KLHL36: variants seen among roughly 807,000 people sequenced by gnomAD.
KLHL36 encodes the protein kelch like family member 36.
A neutral mutation model predicts 53.3 loss-of-function variants in KLHL36; 35 were observed. The ratio of observed to expected loss-of-function variants is 0.66; its 90% CI spans 0.50 to 0.87. KLHL36 has a LOEUF of 0.87. Ranked by LOEUF, KLHL36 falls within the 40% of genes least tolerant of loss-of-function variation. KLHL36 has a pLI of 0.00. For synonymous variants in KLHL36, 472 were observed against 398.9 expected, an observed-to-expected ratio of 1.18 and a Z score of -2.18; for missense variants, 864 against 897.6, an observed-to-expected ratio of 0.96 and a Z score of 0.48.
Position 84,666,307 on chromosome 16 carries a change from GC to G in KLHL36, c.*4176del, listed in dbSNP as rs1380102175. The G allele has an allele frequency of 6.6e-6, 1 of 152,132 alleles. No individual in the cohort carries two copies. The highest frequency in any genetic ancestry group is 2.4e-5 in the African/African-American group (1 of 41,416). 9.4% of individuals were successfully genotyped at this position (152,132 alleles called of 1,614,324 possible). On this transcript the variant is annotated 3_prime_UTR_variant, in exon 5 of 5. Coordinates refer to ENST00000564996, the MANE Select transcript of KLHL36 (RefSeq NM_024731.4). ...CAACAAATGGCAGCACCAGGACCTC[GC>G]CTCATGTGGCTTTGTCTTGGATCTT...
At chr16:84,660,626 A>G (rs534845124) in intron 4 of KLHL36, among the ~76,000 whole-genome samples, 1 of 152,048 alleles carries the variant, frequency 6.6e-6, no homozygotes, top group Admixed American at 6.5e-5. Context: ...AAGCGCTCGT[A>G]TTTTTGTTTT....
Position 84,657,643 on chromosome 16 carries a change from C to T in KLHL36, c.836C>T (p.Ala279Val). The T allele has an allele frequency of 6.2e-7, 1 of 1,611,964 alleles. No homozygotes were observed. The highest frequency in any genetic ancestry group is 8.5e-7 in the Non-Finnish European group (1 of 1,179,582). The change falls in exon 3 of 5, where the codon GCC (alanine) becomes GTC (valine). Residue 279 changes from alanine (A) to valine (V), a missense_variant. Ala to Val is a moderately conservative substitution (Grantham distance 64). Coordinates refer to ENST00000564996, the MANE Select transcript of KLHL36 (RefSeq NM_024731.4). ...EAVRYHNNLA[A>V]QPVMQTKRTA... ...GTGCGCTACCACAACAACCTGGCGG[C>T]CCAGCCCGTCATGCAGACCAAGCGC...
rs3803626 is a variant in KLHL36 at position 84,666,233 on chromosome 16, G to A, written c.*4100G>A. ...ATAACTGTTTTGTAGAATGCCTGCC[G>A]GGGTTTTCCACCTCATCCCTTTCCT... On this transcript the variant is annotated 3_prime_UTR_variant, in exon 5 of 5. Coordinates refer to ENST00000564996, the MANE Select transcript of KLHL36 (RefSeq NM_024731.4). 0.2 allele frequency: 29,724 copies of A among 152,156 alleles called. 3,452 individuals are homozygous for A. The highest frequency in any genetic ancestry group is 0.33 in the Admixed American group (5,050 of 15,278). 9.4% of individuals were successfully genotyped at this position (152,156 alleles called of 1,614,324 possible).
Position 84,657,267 on chromosome 16 carries a change from C to A in KLHL36, c.460C>A (p.Leu154Met). ...GGACAACTACCTGTACCTGCAGGAG[C>A]TGGCCTCCATCTACAGCCTCAAGCG... ...SEDNYLYLQE[L>M]ASIYSLKRLD... is the part of the protein sequence containing the mutation. Residue 154 changes from leucine to methionine, a missense_variant, in exon 3 of 5, where the codon CTG (leucine) becomes ATG (methionine). Coordinates refer to ENST00000564996, the MANE Select transcript of KLHL36 (RefSeq NM_024731.4). 6.2e-7 allele frequency: 1 copy of A among 1,614,156 alleles called. No homozygotes were observed. Among genetic ancestry groups the A allele is most frequent in the Non-Finnish European group, 8.5e-7 (1 of 1,180,036 alleles).
In KLHL36 at chr16:84,665,343, A is replaced by G. The variant is rs920260641; in HGVS notation, c.*3210A>G. 1.3e-5 allele frequency: 2 copies of G among 151,782 alleles called. No homozygotes were observed. The highest frequency in any genetic ancestry group is 1.9e-4 in the East Asian group (1 of 5,182). 9.4% of individuals were successfully genotyped at this position (151,782 alleles called of 1,614,324 possible). On this transcript the variant is annotated 3_prime_UTR_variant, in exon 5 of 5. Coordinates refer to ENST00000564996, the MANE Select transcript of KLHL36 (RefSeq NM_024731.4). ...TAAAGAATTAGAGTTGTAACTTCAT[A>G]TTAGTTGTAAGTTTGGGGTTTGGTC...
Position 84,656,984 on chromosome 16 carries a change from C to A in KLHL36, c.177C>A (p.Ala59=), listed in dbSNP as rs755409802. Residue 59 remains alanine (A), a synonymous_variant, in exon 3 of 5, where the codon GCC becomes GCA. Transcript: ENST00000564996. ...VLVADEQRVP[A]HRNLLAVCSD... is the part of the protein sequence containing the mutation. Reference sequence around the variant, plus strand: ...TGGCCGATGAGCAGCGTGTGCCAGCCCATCGCAACCTGCTGGCCGTGTGCA... The same window carrying A: ...TGGCCGATGAGCAGCGTGTGCCAGCACATCGCAACCTGCTGGCCGTGTGCA... 3.1e-6 allele frequency: 5 copies of A among 1,613,924 alleles called. No individual in the cohort carries two copies. The African/African-American group carries it at 6.7e-5, about 22-fold the overall frequency.
intron 1 of KLHL36, among the ~76,000 whole-genome samples, chr16:84,649,706 C>T (rs1260350940): frequency 2.0e-5 from 3 of 152,244 alleles, no homozygotes; most frequent in African/African-American, 4.8e-5. Flanking sequence ...TGCCCGAATT[C>T]ATTCCTTCCA....
In KLHL36 at chr16:84,662,520, C is replaced by G. The variant is rs1907620379; in HGVS notation, c.*387C>G. 6.0e-6 allele frequency: 1 copy of G among 167,600 alleles called. No homozygotes were observed. The highest frequency in any genetic ancestry group is 1.9e-4 in the South Asian group (1 of 5,372). The allele number at this position is 167,600 out of a possible 1,614,324, so 10.4% of individuals were successfully genotyped here. ...GCCACCTAGTCCAAGCCTCCCCAAA[C>G]CTGGCTGAACTTTTAAGAATACAGA... On this transcript the variant is annotated 3_prime_UTR_variant, in exon 5 of 5. Coordinates refer to ENST00000564996, the MANE Select transcript of KLHL36 (RefSeq NM_024731.4).
In KLHL36 at chr16:84,664,742, C is replaced by T. The variant is rs959388110; in HGVS notation, c.*2609C>T. On this transcript the variant is annotated 3_prime_UTR_variant, in exon 5 of 5. Coordinates refer to ENST00000564996, the MANE Select transcript of KLHL36 (RefSeq NM_024731.4). ...GCACAAGGGCACCCAGTGGTGGTGC[C>T]CGGGCCAGGTTTTTGTTACTTGTCT... 2.0e-5 allele frequency: 3 copies of T among 152,116 alleles called. No individual in the cohort carries two copies. The highest frequency in any genetic ancestry group is 7.2e-5 in the African/African-American group (3 of 41,426). 9.4% of individuals were successfully genotyped at this position (152,116 alleles called of 1,614,324 possible).
Position 84,662,118 on chromosome 16 carries a change from G to C in KLHL36, c.1836G>C (p.Gln612His). The C allele has an allele frequency of 6.5e-7, 1 of 1,547,386 alleles. No individual in the cohort carries two copies. ...KKKKGKGKRH[Q>H]DRGQ ...AGAAAGGCAAAGGCAAGAGGCACCA[G>C]GACCGGGGCCAGTGACCCTAGCTGC... The change falls in exon 5 of 5, where the codon CAG (glutamine) becomes CAC (histidine). Residue 612 changes from glutamine (Q) to histidine (H), a missense_variant. By Grantham distance (24) the Gln-to-His change is conservative (BLOSUM62 0). Coordinates refer to ENST00000564996, the MANE Select transcript of KLHL36 (RefSeq NM_024731.4).
At position 84,650,421 on chromosome 16, in the gene KLHL36, A is replaced by G. The variant is rs185090593; in HGVS notation, c.-16-431A>G. Among the ~76,000 whole-genome samples, 271 of 152,302 alleles carry G rather than the reference A, an allele frequency of 1.8e-3. 1 individual carries two copies. The highest frequency in any genetic ancestry group is 4.2e-3 in the Admixed American group (65 of 15,302). On this transcript the variant is annotated intron_variant, in intron 1 of 4. Coordinates refer to ENST00000564996, the MANE Select transcript of KLHL36 (RefSeq NM_024731.4). ...TACTAGCTTTGTGACCATGAGATCA[A>G]TATCCTCATCTGTGAAATGAAATAA...
At position 84,665,484 on chromosome 16, in the gene KLHL36, A is replaced by C. The variant is rs1298482070; in HGVS notation, c.*3351A>C. On this transcript the variant is annotated 3_prime_UTR_variant, in exon 5 of 5. Coordinates refer to ENST00000564996, the MANE Select transcript of KLHL36 (RefSeq NM_024731.4). ...TTATAGCAAACTTCCTGCTGTTTTA[A>C]ATGCACAGAGATTATTTTATCAACT... is the stretch of plus-strand genomic sequence containing the variant. 1 of 152,190 alleles carries C rather than the reference A, an allele frequency of 6.6e-6. No homozygotes were observed. Among genetic ancestry groups the C allele is most frequent in the East Asian group, 1.9e-4 (1 of 5,198 alleles). 9.4% of individuals were successfully genotyped at this position (152,190 alleles called of 1,614,324 possible). A position where few individuals can be genotyped will look rare whatever the true frequency, so the allele number is the denominator to read the frequency against.
At chr16:84,654,245 C>T (rs548886298) in intron 2 of KLHL36, among the ~76,000 whole-genome samples, 1 of 152,386 alleles carries the variant, frequency 6.6e-6, no homozygotes, top group Non-Finnish European at 1.5e-5. Flanking sequence ...TAAGCCTGTA[C>T]TATGACTTGA....
rs1034704153 is a variant in KLHL36, at chr16:84,667,441, G to C, written c.*5308G>C. Reference sequence around the variant, plus strand: ...ATTTGTAATTTTATGACATTTCGAAGTTTCTGTGTCTTAACTCTTTTTAAT... The same window carrying C: ...ATTTGTAATTTTATGACATTTCGAACTTTCTGTGTCTTAACTCTTTTTAAT... On this transcript the variant is annotated 3_prime_UTR_variant, in exon 5 of 5. Coordinates refer to ENST00000564996, the MANE Select transcript of KLHL36 (RefSeq NM_024731.4). 2.0e-5 allele frequency: 3 copies of C among 152,198 alleles called. No individual in the cohort carries two copies. Among genetic ancestry groups the C allele is most frequent in the African/African-American group, 7.2e-5 (3 of 41,444 alleles). The allele number at this position is 152,198 out of a possible 1,614,324, so 9.4% of individuals were successfully genotyped here.
At position 84,648,935 on chromosome 16, in the gene KLHL36, C is replaced by G. The variant is rs1442792888; in HGVS notation, c.-17+286C>G. Reference sequence around the variant, plus strand: ...CGTCCCGACTCCGCCTCCTCGCCGCCGGCTGGAGCCTGCTGGGCGGCCGTT... The same window carrying G: ...CGTCCCGACTCCGCCTCCTCGCCGCGGGCTGGAGCCTGCTGGGCGGCCGTT... On this transcript the variant is annotated intron_variant, in intron 1 of 4. Coordinates refer to ENST00000564996, the MANE Select transcript of KLHL36 (RefSeq NM_024731.4). This position sits in a 1 kb window ranked among gnomAD's most constrained non-coding sequence, Gnocchi z 4.9. 1.3e-5 allele frequency: 2 copies of G among 152,328 alleles called. No homozygotes were observed. The highest frequency in any genetic ancestry group is 4.1e-4 in the South Asian group (2 of 4,834). 9.4% of individuals were successfully genotyped at this position (152,328 alleles called of 1,614,324 possible). A position where few individuals can be genotyped will look rare whatever the true frequency, so the allele number is the denominator to read the frequency against.
At chr16:84,660,480 C>A (rs917187099) in intron 4 of KLHL36, among the ~76,000 whole-genome samples, 1 of 152,216 alleles carries the variant, frequency 6.6e-6, no homozygotes, top group African/African-American at 2.4e-5. Context: ...CATTTATTAT[C>A]TCCATGGGAT....
intron 4 of KLHL36, 86 bp downstream of exon 4, chr16:84,660,003 G>T (rs1019818982): frequency 1.6e-6 from 2 of 1,284,372 alleles, no homozygotes; most frequent in Non-Finnish European, 2.2e-6. Context: ...TTCTGGGCAT[G>T]TTGGCCTCCA....
intron 2 of KLHL36, among the ~76,000 whole-genome samples, chr16:84,651,613 C>T (rs1037753670): frequency 6.6e-6 from 1 of 152,180 alleles, no homozygotes; most frequent in African/African-American, 2.4e-5. Flanking sequence ...ATTCGTAATG[C>T]CCTCTGTTCT....
chr16:84,650,951 C>A (rs370065501), intron 2 of KLHL36, 21 bp downstream of exon 2: 3 of 1,584,030 alleles, frequency 1.9e-6, no homozygotes, highest in South Asian at 1.1e-5. Flanking sequence ...GTTCACTCAC[C>A]ACCTATGCAA....
Sources: gnomAD v4.1 joint callset for allele counts (sites outside exome capture counted in the v4.1 genomes callset) on GRCh38, gnomAD v4.1.1 for gene constraint, Gnocchi (gnomAD v3.1) non-coding constraint, MANE v1.5 for transcripts, NCBI Gene and HGNC (gene_info 2026-07-23, HGNC 2026-07-21) for gene names.